Variants in EMC8 observed in about 807,000 individuals in gnomAD.
EMC8 encodes the protein COX4 neighbor.
Under a neutral mutation model 24.3 loss-of-function variants are expected in EMC8, and 11 were observed. The ratio of observed to expected loss-of-function variants is 0.45; its 90% CI spans 0.28 to 0.75. The LOEUF (loss-of-function observed/expected upper bound fraction) is 0.75, where lower values mean the gene tolerates loss of function less well. EMC8 is among the 30% of genes least tolerant of loss of function. The pLI is 0.12. For synonymous variants in EMC8, 145 were observed against 117.7 expected, an observed-to-expected ratio of 1.23 and a Z score of -1.50; for missense variants, 277 against 282.7, an observed-to-expected ratio of 0.98 and a Z score of 0.14.
rs66827630 is a variant in EMC8, at chr16:85,781,294, A to AGTC, written c.309-15_309-14insGAC. Reference sequence around the variant, plus strand: ...ACCTGGTTTGGACTGTCAAAGAAATAGGCTACCACATTCCAGTTAATGCCA... The same window carrying AGTC: ...ACCTGGTTTGGACTGTCAAAGAAATAGTCGGCTACCACATTCCAGTTAATGCCA... On this transcript the variant is annotated splice_polypyrimidine_tract_variant and intron_variant, in intron 2 of 4. Transcript: ENST00000253457. The AGTC allele has an allele frequency of 7.1e-7, 1 of 1,415,336 alleles. No homozygotes were observed. Among genetic ancestry groups the AGTC allele is most frequent in the Non-Finnish European group, 9.3e-7 (1 of 1,069,764 alleles). 87.7% of individuals were successfully genotyped at this position (1,415,336 alleles called of 1,614,324 possible). A position where few individuals can be genotyped will look rare whatever the true frequency, so the allele number is the denominator to read the frequency against.
chr16:85,798,918 C>A, intron 1 of EMC8, 147 bp downstream of exon 1: 1 of 594,646 alleles, frequency 1.7e-6, no homozygotes, highest in Admixed American at 3.0e-5. Context: ...CAAGCGCCAT[C>A]GTGGATCACC....
At chr16:85,784,264 C>G (rs1179631502) in intron 2 of EMC8, 1 of 152,242 alleles carries the variant, frequency 6.6e-6, no homozygotes, top group East Asian at 1.9e-4. Flanking sequence ...TCCCAAAGTG[C>G]TGGGAATATA....
Position 85,799,035 on chromosome 16 carries a change from G to A in EMC8, c.231+30C>T, listed in dbSNP as rs1197175689. On this transcript the variant is annotated intron_variant, in intron 1 of 4. Coordinates refer to ENST00000253457, the MANE Select transcript of EMC8 (RefSeq NM_006067.5). This position sits in a 1 kb window ranked among gnomAD's most constrained non-coding sequence, Gnocchi z 4.2. ...TGACTGAGGGGAGGCCAGGCTGCCT[G>A]CAAGGGGAAGGGGCCCTTTCCGCGC... The A allele has an allele frequency of 3.5e-6, 5 of 1,446,028 alleles. No individual in the cohort carries two copies. Among genetic ancestry groups the A allele is most frequent in the Admixed American group, 2.0e-5 (1 of 49,494 alleles). 89.6% of individuals were successfully genotyped at this position (1,446,028 alleles called of 1,614,324 possible).
intron 2 of EMC8, among the ~76,000 whole-genome samples, chr16:85,784,179 T>C (rs1597201513): frequency 6.6e-6 from 1 of 152,296 alleles, no homozygotes; most frequent in South Asian, 2.1e-4. Context: ...TTTGTATTTT[T>C]AGTAGAGATG....
At chr16:85,796,629 C>G (rs1905251129) in intron 1 of EMC8, among the ~76,000 whole-genome samples, 1 of 152,170 alleles carries the variant, frequency 6.6e-6, no homozygotes, top group South Asian at 2.1e-4. Context: ...CCCGCTGCCC[C>G]TTTACACTCC....
Position 85,799,331 on chromosome 16 carries a change from G to A in EMC8, c.-36C>T. On this transcript the variant is annotated 5_prime_UTR_variant, in exon 1 of 5. Coordinates refer to ENST00000253457, the MANE Select transcript of EMC8 (RefSeq NM_006067.5). This position sits in a 1 kb window ranked among gnomAD's most constrained non-coding sequence, Gnocchi z 4.2. Reference sequence around the variant, plus strand: ...GAGGGCCCCGGAGGCCCCTGGGCGCGCGGCTGAGGCCTGGACCCGCTGCCT... The same window carrying A: ...GAGGGCCCCGGAGGCCCCTGGGCGCACGGCTGAGGCCTGGACCCGCTGCCT... 1.1e-5 allele frequency: 16 copies of A among 1,460,612 alleles called. No individual in the cohort carries two copies. The highest frequency in any genetic ancestry group is 1.5e-5 in the Non-Finnish European group (16 of 1,073,708). The allele number at this position is 1,460,612 out of a possible 1,614,324, so 90.5% of individuals were successfully genotyped here.
chr16:85,788,583 C>T (rs1904861092), intron 2 of EMC8, among the ~76,000 whole-genome samples: 1 of 152,204 alleles, frequency 6.6e-6, no homozygotes, highest in Admixed American at 6.5e-5. Context: ...AGTACTGACC[C>T]CAAACCTACA....
intron 1 of EMC8, among the ~76,000 whole-genome samples, chr16:85,796,612 C>A (rs746459799): frequency 6.6e-6 from 1 of 152,234 alleles, no homozygotes; most frequent in African/African-American, 2.4e-5. Flanking sequence ...CCACTCAACT[C>A]TCTCTGCCCG....
At position 85,799,173 on chromosome 16, in the gene EMC8, G is replaced by A; in HGVS notation, c.123C>T (p.His41=). ...GGGCGCCGGGGCCGCCCAGGGGGAG[G>A]TGCTCCTTACGCGGCTTCTGCTTCT... ...VAEKQKPRKE[H]LPLGGPGAHH... The change falls in exon 1 of 5, where the codon CAC becomes CAT. Residue 41 remains histidine, a synonymous_variant. Transcript: ENST00000253457. This position sits in a 1 kb window ranked among gnomAD's most constrained non-coding sequence, Gnocchi z 4.2. 6.2e-7 allele frequency: 1 copy of A among 1,611,816 alleles called. No homozygotes were observed. Among genetic ancestry groups the A allele is most frequent in the Non-Finnish European group, 8.5e-7 (1 of 1,179,178 alleles).
rs755279287 is a variant in EMC8, at chr16:85,779,791, C to T, written c.550G>A (p.Val184Met). The T allele has an allele frequency of 1.2e-5, 19 of 1,614,044 alleles. No homozygotes were observed. Among genetic ancestry groups the T allele is most frequent in the Admixed American group, 6.7e-5 (4 of 60,000 alleles). Residue 184 changes from valine to methionine, a missense_variant, in exon 5 of 5, where the codon GTG (valine) becomes ATG (methionine). Physicochemically the swap from Val to Met is conservative, Grantham distance 21. Coordinates refer to ENST00000253457, the MANE Select transcript of EMC8 (RefSeq NM_006067.5). The part of the protein sequence containing the change: ...LLDSRSYETL[V>M]DFDNHLDDIR... ...TCATCCAGGTGGTTATCGAAATCCA[C>T]GAGCGTCTCGTAGGACCGGCTGTCC...
rs1905460660 is a variant in EMC8, at chr16:85,799,234, T to A, written c.62A>T (p.Tyr21Phe). 2 of 1,612,976 alleles carry A rather than the reference T, an allele frequency of 1.2e-6. No homozygotes were observed. The highest frequency in any genetic ancestry group is 1.6e-4 in the Middle Eastern group (1 of 6,064). Residue 21 changes from tyrosine (Y) to phenylalanine (F), a missense_variant, in exon 1 of 5, where the codon TAC becomes TTC. Transcript: ENST00000253457. This position sits in a 1 kb window ranked among gnomAD's most constrained non-coding sequence, Gnocchi z 4.2. ...GAGCCCGTTGACGGCGCAGTGCGGGTACTTGGCGCCGTGCAGCACCATCTT... is the reference window on the plus strand; with the variant it reads ...GAGCCCGTTGACGGCGCAGTGCGGGAACTTGGCGCCGTGCAGCACCATCTT... ...YCKMVLHGAK[Y>F]PHCAVNGLLV...
chr16:85,797,160 C>A (rs1180657400), intron 1 of EMC8, among the ~76,000 whole-genome samples: 1 of 152,230 alleles, frequency 6.6e-6, no homozygotes, highest in Non-Finnish European at 1.5e-5. Context: ...GGAATCCCAG[C>A]ACTTTGGGAT....
rs1301170427 is a variant in EMC8, at chr16:85,779,609, T to A, written c.*99A>T. The A allele has an allele frequency of 1.8e-5, 24 of 1,308,958 alleles. No individual in the cohort carries two copies. Among genetic ancestry groups the A allele is most frequent in the Non-Finnish European group, 2.3e-5 (21 of 925,250 alleles). The allele number at this position is 1,308,958 out of a possible 1,614,324, so 81.1% of individuals were successfully genotyped here. The stretch of plus-strand genomic sequence containing the variant: ...CATGCCACTTCTTAAAACGGTCAGC[T>A]TTCCACACAGGCTACAAGATATTTT... On this transcript the variant is annotated 3_prime_UTR_variant, in exon 5 of 5. Transcript: ENST00000253457.
chr16:85,780,984 G>A (rs894683301), intron 3 of EMC8: 6 of 561,228 alleles, frequency 1.1e-5, no homozygotes, highest in East Asian at 3.0e-5. Context: ...CAGGTGCTGC[G>A]GCTGGCAGGG....
Position 85,799,496 on chromosome 16 carries a change from C to A in EMC8, c.-201G>T. 2 of 397,420 alleles carry A rather than the reference C, an allele frequency of 5.0e-6. No individual in the cohort carries two copies. Among genetic ancestry groups the A allele is most frequent in the Non-Finnish European group, 8.8e-6 (2 of 226,448 alleles). The allele number at this position is 397,420 out of a possible 1,614,324, so 24.6% of individuals were successfully genotyped here. A position where few individuals can be genotyped will look rare whatever the true frequency, so the allele number is the denominator to read the frequency against. Reference sequence around the variant, plus strand: ...AAAGCGACTCGCGCCTCTGGGAAGCCGCAGCCCCAGACTCCAGTCGCGCTT... The same window carrying A: ...AAAGCGACTCGCGCCTCTGGGAAGCAGCAGCCCCAGACTCCAGTCGCGCTT... On this transcript the variant is annotated 5_prime_UTR_variant, in exon 1 of 5. Transcript: ENST00000253457. This position sits in a 1 kb window ranked among gnomAD's most constrained non-coding sequence, Gnocchi z 4.2.
intron 2 of EMC8, among the ~76,000 whole-genome samples, chr16:85,785,438 C>G (rs906600571): frequency 6.6e-6 from 1 of 152,040 alleles, no homozygotes; most frequent in African/African-American, 2.4e-5. Context: ...GGTGTGGTGG[C>G]AGGTGCCTGT....
intron 2 of EMC8, among the ~76,000 whole-genome samples, chr16:85,786,516 G>A (rs934150421): frequency 6.6e-6 from 1 of 152,170 alleles, no homozygotes; most frequent in South Asian, 2.1e-4. Flanking sequence ...GGGATAGCAC[G>A]GCATTACCTA....
chr16:85,796,734 C>T (rs1050315181), intron 1 of EMC8, among the ~76,000 whole-genome samples: 1 of 152,328 alleles, frequency 6.6e-6, no homozygotes, highest in Non-Finnish European at 1.5e-5. Context: ...TGAATGTTCT[C>T]CCTCCATCCC....
chr16:85,793,509 G>A (rs1169215110), intron 1 of EMC8, among the ~76,000 whole-genome samples: 1 of 152,160 alleles, frequency 6.6e-6, no homozygotes, highest in Non-Finnish European at 1.5e-5. Flanking sequence ...ACTCAAAGGG[G>A]GAACCACAGC....
Sources: gnomAD v4.1 joint callset for allele counts (sites outside exome capture counted in the v4.1 genomes callset) on GRCh38, gnomAD v4.1.1 for gene constraint, Gnocchi (gnomAD v3.1) non-coding constraint, MANE v1.5 for transcripts, NCBI Gene and HGNC (gene_info 2026-07-23, HGNC 2026-07-21) for gene names.